DYNC2H1: variants seen among roughly 807,000 people sequenced by gnomAD.
The protein encoded by DYNC2H1 is cytoplasmic dynein 2 heavy chain 1.
In DYNC2H1, 410 loss-of-function variants were observed where a neutral mutation model predicts 570.0. That is an observed-to-expected ratio of 0.72 (90% CI 0.66 to 0.78). The LOEUF is 0.78. Among genes scored for constraint, DYNC2H1 ranks in the 30% least tolerant of loss-of-function variants. DYNC2H1 has a pLI of 0.00. For synonymous variants in DYNC2H1, 1,688 were observed against 1,677.6 expected (o/e 1.01, Z -0.15); for missense variants, 4,865 against 5,046.4 (o/e 0.96, Z 1.09).
intron 18 of DYNC2H1, among the ~76,000 whole-genome samples, chr11:103,146,551 A>G (rs949408641): frequency 6.6e-6 from 1 of 152,210 alleles, no homozygotes; most frequent in African/African-American, 2.4e-5. Context: ...TGTTTTGGAC[A>G]TATTAATACA....
rs576077158 is a variant in DYNC2H1 at position 103,133,258 on chromosome 11, G to A, written c.1954-297G>A. On this transcript the variant is annotated intron_variant, in intron 13 of 88. Coordinates refer to ENST00000375735, the MANE Select transcript of DYNC2H1 (RefSeq NM_001377.3). This position sits in a 1 kb window ranked among gnomAD's most constrained non-coding sequence, Gnocchi z 4.8. Reference sequence around the variant, plus strand: ...GATAATAAGGAAACCCAGGTTTGTCGTGCCTTAATTCCTCAGGTTTCTAGG... The same window carrying A: ...GATAATAAGGAAACCCAGGTTTGTCATGCCTTAATTCCTCAGGTTTCTAGG... 3.0e-4 allele frequency among the ~76,000 whole-genome samples: 46 copies of A among 152,118 alleles called. 1 individual carries two copies. The South Asian group carries it at 5.6e-3, about 19-fold the overall frequency.
chr11:103,454,998 G>C, intron 85 of DYNC2H1, 188 bp from the exon 86 acceptor site: 1 of 505,322 alleles, frequency 2.0e-6, no homozygotes, highest in South Asian at 3.7e-5. Flanking sequence ...TATTTAAGAT[G>C]GATGGATATT....
chr11:103,315,439 G>T (rs1489481063), intron 79 of DYNC2H1, among the ~76,000 whole-genome samples: 1 of 151,964 alleles, frequency 6.6e-6, no homozygotes, highest in Non-Finnish European at 1.5e-5. Flanking sequence ...TATTCTTTCA[G>T]TGTTTCACTT....
In DYNC2H1 at chr11:103,256,298, A is replaced by G; in HGVS notation, c.10461+58A>G. 1.3e-6 allele frequency: 2 copies of G among 1,483,616 alleles called. No individual in the cohort carries two copies. The highest frequency in any genetic ancestry group is 9.1e-7 in the Non-Finnish European group (1 of 1,101,912). The allele number at this position is 1,483,616 out of a possible 1,614,324, so 91.9% of individuals were successfully genotyped here. A position where few individuals can be genotyped will look rare whatever the true frequency, so the allele number is the denominator to read the frequency against. On this transcript the variant is annotated intron_variant, in intron 68 of 88. Transcript: ENST00000375735. The surrounding 1 kb of genome is among the most constrained non-coding windows in gnomAD (Gnocchi z 4.0). ...TGTTTTCTTGAACATTTAGGTTAAT[A>G]TGATAGAAAATGTAGAATCAGGTCC...
intron 11 of DYNC2H1, among the ~76,000 whole-genome samples, chr11:103,123,693 C>T (rs1161511418): frequency 6.6e-6 from 1 of 152,134 alleles, no homozygotes; most frequent in East Asian, 1.9e-4. Context: ...CATACTTTAT[C>T]ATTAGAGCTT....
chr11:103,314,168 C>T (rs911546838), intron 79 of DYNC2H1, among the ~76,000 whole-genome samples: 6 of 152,034 alleles, frequency 3.9e-5, no homozygotes, highest in African/African-American at 1.2e-4. Flanking sequence ...TCCCTGCCAC[C>T]CACTTTCTAT....
At chr11:103,184,859 C>A in intron 40 of DYNC2H1, 37 bp from the exon 41 acceptor site, 1 of 1,606,324 alleles carries the variant, frequency 6.2e-7, no homozygotes, top group Non-Finnish European at 8.5e-7. Flanking sequence ...TTAATAGTTG[C>A]CTTTTGTCTG....
Position 103,117,258 on chromosome 11 carries a change from T to TTA in DYNC2H1, c.767-361_767-360dup, listed in dbSNP as rs917097546. Among the ~76,000 whole-genome samples the TTA allele has an allele frequency of 1.4e-4, 20 of 146,914 alleles. 1 individual carries two copies. Among genetic ancestry groups the TTA allele is most frequent in the East Asian group, 5.9e-4 (3 of 5,112 alleles). ...TATATATATATTTAATATATATATT[T>TTA]TATATATATATATTTTTTAATATAT... On this transcript the variant is annotated intron_variant, in intron 5 of 88. Transcript: ENST00000375735.
intron 83 of DYNC2H1, among the ~76,000 whole-genome samples, chr11:103,360,174 A>G (rs921406433): frequency 1.3e-5 from 2 of 152,120 alleles, no homozygotes; most frequent in African/African-American, 4.8e-5. Context: ...TTTAGGAGAA[A>G]TTACTATTTT....
Position 103,199,093 on chromosome 11 carries a change from G to A in DYNC2H1, c.7840-135G>A. ...TTACCAGACATATAAAATATTGAGTGTGAGATGATATGTAGTCACTTTACT... is the reference window on the plus strand; with the variant it reads ...TTACCAGACATATAAAATATTGAGTATGAGATGATATGTAGTCACTTTACT... On this transcript the variant is annotated intron_variant, in intron 48 of 88. Coordinates refer to ENST00000375735, the MANE Select transcript of DYNC2H1 (RefSeq NM_001377.3). This position sits in a 1 kb window ranked among gnomAD's most constrained non-coding sequence, Gnocchi z 4.6. 5.6e-6 allele frequency: 3 copies of A among 538,692 alleles called. No individual in the cohort carries two copies. Among genetic ancestry groups the A allele is most frequent in the Non-Finnish European group, 3.0e-6 (1 of 330,594 alleles). 33.4% of individuals were successfully genotyped at this position (538,692 alleles called of 1,614,324 possible). A position where few individuals can be genotyped will look rare whatever the true frequency, so the allele number is the denominator to read the frequency against.
rs530868508 is a variant in DYNC2H1 at position 103,369,947 on chromosome 11, C to G, written c.12156+11588C>G. On this transcript the variant is annotated intron_variant, in intron 83 of 88. Coordinates refer to ENST00000375735, the MANE Select transcript of DYNC2H1 (RefSeq NM_001377.3). This position sits in a 1 kb window ranked among gnomAD's most constrained non-coding sequence, Gnocchi z 4.0. ...CACTTGAGAAAAGCAGAGAGAAATG[C>G]AAAGGGGACATTGTCTTGCACATTA... is the stretch of plus-strand genomic sequence containing the variant. Among the ~76,000 whole-genome samples the G allele has an allele frequency of 2.0e-5, 3 of 152,170 alleles. No individual in the cohort carries two copies. Among genetic ancestry groups the G allele is most frequent in the Admixed American group, 2.0e-4 (3 of 15,274 alleles).
intron 44 of DYNC2H1, 27 bp downstream of exon 44, chr11:103,188,675 T>C: frequency 6.8e-7 from 1 of 1,470,858 alleles, no homozygotes; most frequent in Non-Finnish European, 9.1e-7. Flanking sequence ...TTCAGATTTT[T>C]TAATTTGGGA....
intron 83 of DYNC2H1, among the ~76,000 whole-genome samples, chr11:103,380,843 T>G (rs1238976419): frequency 6.6e-6 from 1 of 152,178 alleles, no homozygotes; most frequent in East Asian, 1.9e-4. Context: ...ATTCCAGACC[T>G]GAGCCAACAT....
In DYNC2H1 at chr11:103,156,447, T is replaced by A; in HGVS notation, c.3804T>A (p.Asp1268Glu). Reference sequence around the variant, plus strand: ...TCAGAGAAGCTTTACGTGAACTTGATCTTTGGGGAGTTGGAGCAGTGTTTA... The same window carrying A: ...TCAGAGAAGCTTTACGTGAACTTGAACTTTGGGGAGTTGGAGCAGTGTTTA... ...VTIREALREL[D>E]LWGVGAVFTL... Residue 1268 changes from aspartate (D) to glutamate (E), a missense_variant, in exon 26 of 89, where the codon GAT becomes GAA. Asp to Glu is a conservative substitution (Grantham distance 45). Transcript: ENST00000375735. 1 of 1,613,728 alleles carries A rather than the reference T, an allele frequency of 6.2e-7. No individual in the cohort carries two copies. The highest frequency in any genetic ancestry group is 8.5e-7 in the Non-Finnish European group (1 of 1,179,736).
chr11:103,155,289 A>T, intron 24 of DYNC2H1, 42 bp from the exon 25 acceptor site: 1 of 1,538,546 alleles, frequency 6.5e-7, no homozygotes, highest in Non-Finnish European at 8.7e-7. Context: ...ATATATGTAT[A>T]TGTGTATACA....
intron 83 of DYNC2H1, among the ~76,000 whole-genome samples, chr11:103,392,203 G>A (rs557248235): frequency 6.6e-6 from 1 of 152,310 alleles, no homozygotes; most frequent in Non-Finnish European, 1.5e-5. Flanking sequence ...GCAATGGCGG[G>A]CGCCCCTCCC....
rs145347376 is a variant in DYNC2H1 at position 103,275,095 on chromosome 11, A to AAAAT, written c.10696-5233_10696-5230dup. Among the ~76,000 whole-genome samples, 5,875 of 152,044 alleles carry AAAAT rather than the reference A, an allele frequency of 0.039. 373 individuals carry two copies. The highest frequency in any genetic ancestry group is 0.13 in the African/African-American group (5,547 of 41,348). ...GGCGACAGTGAGAGACTCCGTCTCA[A>AAAAT]AAATAAATAAATAAATAAATAAAAT... On this transcript the variant is annotated intron_variant, in intron 70 of 88. Transcript: ENST00000375735. The surrounding 1 kb of genome is among the most constrained non-coding windows in gnomAD (Gnocchi z 4.8).
At chr11:103,208,276 A>G (rs1863015245) in intron 52 of DYNC2H1, among the ~76,000 whole-genome samples, 1 of 152,190 alleles carries the variant, frequency 6.6e-6, no homozygotes, top group Non-Finnish European at 1.5e-5. Context: ...ATTGTGTTGG[A>G]AAGAGTGACA....
intron 83 of DYNC2H1, among the ~76,000 whole-genome samples, chr11:103,385,479 C>T (rs960167351): frequency 6.6e-6 from 1 of 152,018 alleles, no homozygotes; most frequent in African/African-American, 2.4e-5. Context: ...GTGTAAAAAA[C>T]CCTAGTCTTA....
Sources: gnomAD v4.1 joint callset for allele counts (sites outside exome capture counted in the v4.1 genomes callset) on GRCh38, gnomAD v4.1.1 for gene constraint, Gnocchi (gnomAD v3.1) non-coding constraint, MANE v1.5 for transcripts, NCBI Gene and HGNC (gene_info 2026-07-23, HGNC 2026-07-21) for gene names.